Variants in UGT1A10 observed in about 807,000 individuals in gnomAD.
UGT1A10 encodes the protein UDP glucuronosyltransferase family 1 member A10.
In UGT1A10, 49 loss-of-function variants were observed where a neutral mutation model predicts 45.8. The observed-to-expected ratio is 1.07, with a 90% CI of 0.85 to 1.36. The LOEUF is 1.36. Among genes scored for constraint, UGT1A10 ranks in the 40% most tolerant of loss-of-function variants. The probability of loss-of-function intolerance (pLI) is 0.00; values close to 1 mark genes in which losing one functional copy is unlikely to be tolerated. For missense variants in UGT1A10, 745 were observed against 668.6 expected (o/e 1.11, Z -1.26); for synonymous variants, 284 against 249.7 (o/e 1.14, Z -1.29).
intron 1 of UGT1A10, among the ~76,000 whole-genome samples, chr2:233,745,899 C>T (rs1385989296): frequency 1.3e-5 from 2 of 151,320 alleles, no homozygotes; most frequent in Non-Finnish European, 2.9e-5. Context: ...TGGCGTTTTT[C>T]AGGGAGCAGC....
intron 3 of UGT1A10, 29 bp downstream of exon 3, chr2:233,767,965 C>T: frequency 3.1e-6 from 5 of 1,614,098 alleles, no homozygotes; most frequent in Non-Finnish European, 4.2e-6. Context: ...ATGTATAGGT[C>T]AAACCAGGGT....
chr2:233,681,177 G>A (rs1483753857), intron 1 of UGT1A10, among the ~76,000 whole-genome samples: 1 of 151,838 alleles, frequency 6.6e-6, no homozygotes, highest in Non-Finnish European at 1.5e-5. Flanking sequence ...TAAGACCCTT[G>A]CTCTCTTTCC....
intron 1 of UGT1A10, among the ~76,000 whole-genome samples, chr2:233,766,364 G>C (rs1381103193): frequency 6.6e-6 from 1 of 152,144 alleles, no homozygotes; most frequent in Non-Finnish European, 1.5e-5. Flanking sequence ...GTGCCTGTTG[G>C]TGAGTTCTTC....
In UGT1A10 at chr2:233,743,574, A is replaced by T. The variant is rs763461022; in HGVS notation, c.856-23460A>T. ...AAAATATTCTCCAGCGGGTTTCCCA[A>T]GAGGTCAAAGGAGAATGGGTCCTGG... is the stretch of plus-strand genomic sequence containing the variant. On this transcript the variant is annotated intron_variant, in intron 1 of 4. Coordinates refer to ENST00000344644, the MANE Select transcript of UGT1A10 (RefSeq NM_019075.4). 5 of 1,367,184 alleles carry T rather than the reference A, an allele frequency of 3.7e-6. No individual in the cohort carries two copies. The East Asian group carries it at 2.3e-4, about 62-fold the overall frequency. The allele number at this position is 1,367,184 out of a possible 1,614,324, so 84.7% of individuals were successfully genotyped here. A position where few individuals can be genotyped will look rare whatever the true frequency, so the allele number is the denominator to read the frequency against.
chr2:233,762,018 T>C (rs141035986), intron 1 of UGT1A10, among the ~76,000 whole-genome samples: 3 of 152,328 alleles, frequency 2.0e-5, no homozygotes, highest in African/African-American at 7.2e-5. Flanking sequence ...ATGTGATTTG[T>C]ATTTTATTTT....
intron 1 of UGT1A10, among the ~76,000 whole-genome samples, chr2:233,669,744 C>T (rs956411251): frequency 9.9e-5 from 15 of 152,072 alleles, no homozygotes; most frequent in Admixed American, 2.6e-4. Context: ...AGTATAATGG[C>T]GTGATCTCAG....
intron 1 of UGT1A10, among the ~76,000 whole-genome samples, chr2:233,676,997 A>AT (rs1303405574): frequency 1.6e-4 from 24 of 149,520 alleles, no homozygotes; most frequent in South Asian, 4.3e-4. Context: ...GTTACCTCTA[A>AT]TTTTTTTTTT....
intron 1 of UGT1A10, chr2:233,743,097 G>A: frequency 2.8e-6 from 1 of 351,688 alleles, no homozygotes; most frequent in Non-Finnish European, 5.6e-6. Flanking sequence ...AAATTCTTGG[G>A]TACAGCTGTT....
At chr2:233,738,659 C>A (rs562004619) in intron 1 of UGT1A10, among the ~76,000 whole-genome samples, 17 of 152,190 alleles carry the variant, frequency 1.1e-4, no homozygotes, top group Admixed American at 4.6e-4. Flanking sequence ...GAACTACGAA[C>A]TTGAGAGAGA....
At chr2:233,666,668 C>CT (rs2074082399) in intron 1 of UGT1A10, among the ~76,000 whole-genome samples, 1 of 150,160 alleles carries the variant, frequency 6.7e-6, no homozygotes. Flanking sequence ...TATTATTGTA[C>CT]TTTAAGTTTT....
At chr2:233,696,701 C>T (rs915031965) in intron 1 of UGT1A10, among the ~76,000 whole-genome samples, 7 of 152,078 alleles carry the variant, frequency 4.6e-5, no homozygotes, top group African/African-American at 1.7e-4. Context: ...TTGTCTTATT[C>T]CAGATTTTAG....
intron 1 of UGT1A10, among the ~76,000 whole-genome samples, chr2:233,739,654 C>A (rs1048629610): frequency 2.0e-5 from 3 of 152,310 alleles, no homozygotes; most frequent in East Asian, 1.9e-4. Context: ...AATTTCTGTA[C>A]CCCCATTGTG....
At chr2:233,704,805 T>C (rs1020612580) in intron 1 of UGT1A10, among the ~76,000 whole-genome samples, 12 of 152,136 alleles carry the variant, frequency 7.9e-5, no homozygotes, top group African/African-American at 2.2e-4. Flanking sequence ...ATTATATATA[T>C]GTATATTGCT....
At chr2:233,736,335 T>G (rs1256501308) in intron 1 of UGT1A10, among the ~76,000 whole-genome samples, 1 of 152,262 alleles carries the variant, frequency 6.6e-6, no homozygotes, top group Non-Finnish European at 1.5e-5. Context: ...GTTATGAAGT[T>G]CTTGTGCCAT....
chr2:233,751,076 G>A (rs1694634911), intron 1 of UGT1A10, among the ~76,000 whole-genome samples: 1 of 151,954 alleles, frequency 6.6e-6, no homozygotes, highest in Non-Finnish European at 1.5e-5. Context: ...GCCAGCCTCT[G>A]AAGGCAGCCA....
At chr2:233,721,475 C>T (rs1272285842) in intron 1 of UGT1A10, 9 of 174,082 alleles carry the variant, frequency 5.2e-5, no homozygotes, top group Admixed American at 4.3e-4. Context: ...TATCTGTTAT[C>T]ATTCTTATTA....
chr2:233,656,715 G>T (rs764854716), intron 1 of UGT1A10, among the ~76,000 whole-genome samples: 5 of 152,078 alleles, frequency 3.3e-5, no homozygotes, highest in African/African-American at 1.2e-4. Context: ...GTGACGAGGC[G>T]TGTCCAGCCT....
chr2:233,671,934 G>C, intron 1 of UGT1A10: 1 of 1,604,458 alleles, frequency 6.2e-7, no homozygotes, highest in Non-Finnish European at 8.5e-7. Context: ...GCAGTTCTCT[G>C]ATGGCTTGCA....
At chr2:233,691,385 A>G (rs1002269496) in intron 1 of UGT1A10, 8 of 985,406 alleles carry the variant, frequency 8.1e-6, no homozygotes, top group African/African-American at 7.0e-5. Context: ...TATGTTCCCC[A>G]TGGGGGCCAG....
Sources: allele counts gnomAD v4.1 joint callset (sites outside exome capture counted in the v4.1 genomes callset), GRCh38; gene constraint gnomAD v4.1.1; transcripts MANE v1.5; gene names NCBI Gene and HGNC (gene_info 2026-07-23, HGNC 2026-07-21).